The following PAICS variants were observed in gnomAD, a reference collection of about 807,000 sequenced individuals.
PAICS encodes bifunctional phosphoribosylaminoimidazole carboxylase/phosphoribosylaminoimidazole succinocarboxamide synthetase.
PAICS carries 33 observed loss-of-function variants against 53.7 expected under a neutral mutation model. The ratio of observed to expected loss-of-function variants is 0.61; its 90% CI spans 0.47 to 0.82. The LOEUF is 0.82. PAICS is among the 40% of genes least tolerant of loss of function. The probability of loss-of-function intolerance (pLI) is 0.00; values close to 1 mark genes in which losing one functional copy is unlikely to be tolerated. For synonymous variants in PAICS, 141 were observed against 167.2 expected (o/e 0.84, Z 1.21); for missense variants, 394 against 494.1 (o/e 0.80, Z 1.92).
At chr4:56,427,861 G>A in the PAICS span, among the ~76,000 whole-genome samples, 1 of 152,138 alleles carries the variant, frequency 6.6e-6, no homozygotes, top group Non-Finnish European at 1.5e-5. Context: ...AAGTCTAACA[G>A]AGAAGATCTC....
intron 2 of PAICS, chr4:56,446,465 G>T: frequency 1.4e-6 from 1 of 698,592 alleles, no homozygotes; most frequent in South Asian, 1.5e-5. Context: ...GGATGTATCA[G>T]GAATTTCGTT....
At chr4:56,458,282 CTTTT>C (rs35249885) in intron 8 of PAICS, among the ~76,000 whole-genome samples, 2 of 146,758 alleles carry the variant, frequency 1.4e-5, no homozygotes, top group African/African-American at 5.0e-5. Flanking sequence ...CACTAGATAA[CTTTT>C]TTTTTTTTTT....
At chr4:56,449,123 T>G (rs1718770296) in intron 5 of PAICS, among the ~76,000 whole-genome samples, 2 of 152,322 alleles carry the variant, frequency 1.3e-5, no homozygotes, top group East Asian at 1.9e-4. Context: ...AGGATGGGTA[T>G]CTTCACAATT....
At chr4:56,419,669 A>G in the PAICS span, 1 of 983,816 alleles carries the variant, frequency 1.0e-6, no homozygotes, top group South Asian at 4.7e-5. Flanking sequence ...TCCCAACTGT[A>G]GCAAATGAAG....
At chr4:56,455,105 T>G (rs1719123960) in intron 8 of PAICS, among the ~76,000 whole-genome samples, 2 of 152,112 alleles carry the variant, frequency 1.3e-5, no homozygotes, top group Non-Finnish European at 2.9e-5. Flanking sequence ...GAGTCAAGAT[T>G]GTACCAATGG....
At chr4:56,448,310 TA>T in intron 3 of PAICS, 107 bp from the exon 4 acceptor site, 1 of 742,818 alleles carries the variant, frequency 1.3e-6, no homozygotes, top group Non-Finnish European at 2.1e-6. Flanking sequence ...CGGCTGTGGC[TA>T]AAAATTTCTA....
chr4:56,412,172 G>A, the PAICS span, among the ~76,000 whole-genome samples: 3 of 152,214 alleles, frequency 2.0e-5, no homozygotes, highest in African/African-American at 2.4e-5. Flanking sequence ...GATCTTCAGC[G>A]CTTTCAGGTA....
chr4:56,433,405 A>G (rs1024518140), upstream of PAICS, among the ~76,000 whole-genome samples: 3 of 149,460 alleles, frequency 2.0e-5, no homozygotes, highest in Admixed American at 1.3e-4. Flanking sequence ...ATTAAAAAAA[A>G]AAAAAAAGAA....
chr4:56,435,811 T>G (rs1717890896), upstream of PAICS: 1 of 1,512,970 alleles, frequency 6.6e-7, no homozygotes, highest in Non-Finnish European at 8.9e-7. Context: ...ATCTCCGTTA[T>G]TTTCCAGCAC....
Position 56,446,848 on chromosome 4 carries a change from C to G in PAICS, c.368C>G (p.Pro123Arg). ...GTCAAGGAAGGATATAAGTTTTACC[C>G]ACCTAAAGTGGAGTTGTTTTTCAAG... ...PGVKEGYKFY[P>R]PKVELFFKDD... The change falls in exon 3 of 9, where the codon CCA becomes CGA. Residue 123 changes from proline to arginine, a missense_variant. Physicochemically the swap from Pro to Arg is moderately radical, Grantham distance 103. Coordinates refer to ENST00000512576, the MANE Select transcript of PAICS (RefSeq NM_001079524.2). The G allele has an allele frequency of 6.2e-7, 1 of 1,607,926 alleles. No individual in the cohort carries two copies.
At chr4:56,457,322 A>G (rs1482515093) in intron 8 of PAICS, among the ~76,000 whole-genome samples, 1 of 152,168 alleles carries the variant, frequency 6.6e-6, no homozygotes, top group East Asian at 1.9e-4. Flanking sequence ...CCAAGGTGGG[A>G]TGATCACTGG....
the PAICS span, among the ~76,000 whole-genome samples, chr4:56,427,305 G>A: frequency 6.6e-6 from 1 of 152,082 alleles, no homozygotes; most frequent in Non-Finnish European, 1.5e-5. Context: ...CTGCAGTACT[G>A]TTTTTCCACA....
intron 3 of PAICS, among the ~76,000 whole-genome samples, chr4:56,448,124 C>T (rs911692835): frequency 2.7e-5 from 4 of 150,860 alleles, no homozygotes; most frequent in African/African-American, 9.8e-5. Context: ...TCTCCTGCCT[C>T]AGCCTCCCAA....
In PAICS at chr4:56,445,655, C is replaced by T. The variant is rs112379966; in HGVS notation, c.215-1040C>T. On this transcript the variant is annotated intron_variant, in intron 2 of 8. Coordinates refer to ENST00000512576, the MANE Select transcript of PAICS (RefSeq NM_001079524.2). Reference sequence around the variant, plus strand: ...TAAATGAGACAACATATATAAGACACTTAGCACAGTGGAGGATTTCCATAA... The same window carrying T: ...TAAATGAGACAACATATATAAGACATTTAGCACAGTGGAGGATTTCCATAA... 1.8e-3 allele frequency among the ~76,000 whole-genome samples: 274 copies of T among 152,186 alleles called. 10 individuals carry two copies. The South Asian group carries it at 0.039, about 21-fold the overall frequency.
chr4:56,436,050 C>G, upstream of PAICS: 3 of 1,508,478 alleles, frequency 2.0e-6, no homozygotes, highest in Non-Finnish European at 1.8e-6. Context: ...ACTGCGCCAG[C>G]GCGGGGCGGC....
intron 2 of PAICS, chr4:56,446,399 TTTTGTG>T (rs1266312188): frequency 1.4e-6 from 1 of 718,108 alleles, no homozygotes; most frequent in South Asian, 1.5e-5. Context: ...TTCTTTTGCA[TTTTGTG>T]TTTTTCATTT....
the PAICS span, among the ~76,000 whole-genome samples, chr4:56,413,788 T>C: frequency 1.3e-5 from 2 of 152,012 alleles, no homozygotes; most frequent in Admixed American, 6.5e-5. Context: ...TCCCAGCTAC[T>C]TGGGAGGCTG....
At chr4:56,444,418 A>G (rs891707148) in intron 2 of PAICS, among the ~76,000 whole-genome samples, 11 of 152,204 alleles carry the variant, frequency 7.2e-5, no homozygotes, top group Non-Finnish European at 1.2e-4. Context: ...ATACTAGTAT[A>G]TGAAGAACGG....
In PAICS at chr4:56,455,328, C is replaced by G. The variant is rs182631274; in HGVS notation, c.1111+1567C>G. ...AGGAGATTTGCTTTATTACTAAAAT[C>G]CCTAACTTTTCTCATATCTGTATAT... On this transcript the variant is annotated intron_variant, in intron 8 of 8. Transcript: ENST00000512576. Among the ~76,000 whole-genome samples, 10 of 152,246 alleles carry G rather than the reference C, an allele frequency of 6.6e-5. No homozygotes were observed. In the East Asian group the frequency reaches 1.7e-3, roughly 26 times the overall value.
Sources: gnomAD v4.1 joint callset for allele counts (sites outside exome capture counted in the v4.1 genomes callset) on GRCh38, gnomAD v4.1.1 for gene constraint, MANE v1.5 for transcripts, NCBI Gene and HGNC (gene_info 2026-07-23, HGNC 2026-07-21) for gene names.